ELF4: variants seen among roughly 807,000 people sequenced by gnomAD.
ELF4 encodes ETS-related transcription factor Elf-4.
Under a neutral mutation model 31.7 loss-of-function variants are expected in ELF4, and 10 were observed. The ratio of observed to expected loss-of-function variants is 0.32; its 90% CI spans 0.19 to 0.54. The LOEUF is 0.54. ELF4 is among the 20% of genes least tolerant of loss of function. ELF4 has a pLI of 0.95. For missense variants in ELF4, 418 were observed against 522.0 expected (o/e 0.80, Z 1.94); for synonymous variants, 208 against 226.7 (o/e 0.92, Z 0.74).
chrX:130,072,334 C>T lies in ELF4; in HGVS notation c.424G>A (p.Asp142Asn), dbSNP rs201900810. ...PNYLFPASEP[D>N]ALNRAGDTSD... ...GTGTCACCCGCCCTGTTCAGGGCAT[C>T]GGGCTCAGAGGCAGGAAACAGGTAG... Residue 142 changes from aspartate to asparagine, a missense_variant, in exon 5 of 9, where the codon GAT becomes AAT. By Grantham distance (23) the Asp-to-Asn change is conservative. Coordinates refer to ENST00000308167, the MANE Select transcript of ELF4 (RefSeq NM_001421.4). The T allele has an allele frequency of 3.0e-5, 36 of 1,210,987 alleles. No homozygotes were observed. The East Asian group carries it at 8.3e-4, about 28-fold the overall frequency.
At chrX:130,095,048 G>A (rs1676690965) in intron 1 of ELF4, among the ~76,000 whole-genome samples, 1 of 111,653 alleles carries the variant, frequency 9.0e-6, no homozygotes, top group Non-Finnish European at 1.9e-5. Context: ...GGGTGCTTGT[G>A]TAAAGGTGGG....
At chrX:130,091,495 C>T (rs764906812) in intron 1 of ELF4, among the ~76,000 whole-genome samples, 1 of 111,547 alleles carries the variant, frequency 9.0e-6, no homozygotes, top group South Asian at 3.8e-4. Flanking sequence ...GCTATATTGC[C>T]CAGGCTGGTC....
chrX:130,109,285 C>T (rs1933431057), intron 1 of ELF4, among the ~76,000 whole-genome samples: 1 of 112,463 alleles, frequency 8.9e-6, no homozygotes, highest in Non-Finnish European at 1.9e-5. Context: ...TACCTCCCCA[C>T]CTCCCCAGCA....
At chrX:130,077,747 CAT>C (rs1304067570) in intron 2 of ELF4, among the ~76,000 whole-genome samples, 1 of 111,987 alleles carries the variant, frequency 8.9e-6, no homozygotes, top group African/African-American at 3.2e-5. Flanking sequence ...AGAGTGATCA[CAT>C]GATTGACCCC....
intron 1 of ELF4, among the ~76,000 whole-genome samples, chrX:130,090,895 C>G (rs1933045656): frequency 8.9e-6 from 1 of 111,901 alleles, no homozygotes; most frequent in Non-Finnish European, 1.9e-5. Context: ...TCACTGTAAC[C>G]TCTGTCTCCT....
At position 130,066,539 on chromosome X, in the gene ELF4, G is replaced by A; in HGVS notation, c.*182C>T. On this transcript the variant is annotated 3_prime_UTR_variant, in exon 9 of 9. Coordinates refer to ENST00000308167, the MANE Select transcript of ELF4 (RefSeq NM_001421.4). ...GTGCTCTTGAAGGCCATAGTCTGATGCCAGGGATGCTTAAGCTGGGCACTG... is the reference window on the plus strand; with the variant it reads ...GTGCTCTTGAAGGCCATAGTCTGATACCAGGGATGCTTAAGCTGGGCACTG... 1 of 496,504 alleles carries A rather than the reference G, an allele frequency of 2.0e-6. No individual in the cohort carries two copies. The highest frequency in any genetic ancestry group is 3.5e-6 in the Non-Finnish European group (1 of 286,495). The allele number at this position is 496,504 out of a possible 1,213,427, so 40.9% of individuals were successfully genotyped here.
In ELF4 at chrX:130,103,299, T is replaced by G. The variant is rs769228168; in HGVS notation, c.-210+7026A>C. On this transcript the variant is annotated intron_variant, in intron 1 of 8. Coordinates refer to ENST00000308167, the MANE Select transcript of ELF4 (RefSeq NM_001421.4). ...CAAAGCATGTATCTGATGAAAGTCT[T>G]GTATCCAAAAAATATAAAGAACTCT... Among the ~76,000 whole-genome samples, 6 of 112,437 alleles carry G rather than the reference T, an allele frequency of 5.3e-5. No homozygotes were observed. The South Asian group carries it at 2.2e-3, about 41-fold the overall frequency.
chrX:130,065,348 G>A lies in ELF4; in HGVS notation c.*1373C>T, dbSNP rs746938349. On this transcript the variant is annotated 3_prime_UTR_variant, in exon 9 of 9. Transcript: ENST00000308167. Reference sequence around the variant, plus strand: ...AGAGAGAATAGGTTGACCCTTCCTCGGAAAGAGGGAAGGGGGAAGCAGGGA... The same window carrying A: ...AGAGAGAATAGGTTGACCCTTCCTCAGAAAGAGGGAAGGGGGAAGCAGGGA... The A allele has an allele frequency of 6.7e-4, 116 of 173,733 alleles. No homozygotes were observed. Among genetic ancestry groups the A allele is most frequent in the Non-Finnish European group, 1.1e-3 (101 of 91,213 alleles). 14.3% of individuals were successfully genotyped at this position (173,733 alleles called of 1,213,427 possible).
intron 1 of ELF4, among the ~76,000 whole-genome samples, chrX:130,107,686 A>G (rs963914913): frequency 8.9e-6 from 1 of 112,232 alleles, no homozygotes; most frequent in Non-Finnish European, 1.9e-5. Context: ...ATTGAATCTG[A>G]GTTTTAGGCG....
At chrX:130,102,696 G>GCTGCCT (rs1933284477) in intron 1 of ELF4, among the ~76,000 whole-genome samples, 1 of 107,496 alleles carries the variant, frequency 9.3e-6, no homozygotes, top group Non-Finnish European at 1.9e-5. Flanking sequence ...ACACTCTTGT[G>GCTGCCT]GTCCCAGCTA....
At chrX:130,082,701 C>T (rs1012552097) in intron 1 of ELF4, among the ~76,000 whole-genome samples, 3 of 111,573 alleles carry the variant, frequency 2.7e-5, no homozygotes, top group African/African-American at 9.8e-5. Context: ...CCAGGCCTGC[C>T]TCCCACAGCC....
intron 1 of ELF4, among the ~76,000 whole-genome samples, chrX:130,094,004 G>A (rs986080842): frequency 2.7e-5 from 3 of 111,702 alleles, no homozygotes; most frequent in African/African-American, 9.8e-5. Context: ...GGACGAGGTG[G>A]GTGAATCACT....
chrX:130,107,382 C>G (rs1393755592), intron 1 of ELF4, among the ~76,000 whole-genome samples: 1 of 111,998 alleles, frequency 8.9e-6, no homozygotes, highest in Non-Finnish European at 1.9e-5. Flanking sequence ...GGAGGTGCAT[C>G]TAGACCAGAA....
At chrX:130,073,108 T>C (rs1326100022) in intron 4 of ELF4, among the ~76,000 whole-genome samples, 2 of 112,046 alleles carry the variant, frequency 1.8e-5, no homozygotes, top group Non-Finnish European at 3.8e-5. Context: ...TTTATTTATT[T>C]AGACAGTCTT....
chrX:130,089,057 C>G (rs923031831), intron 1 of ELF4, among the ~76,000 whole-genome samples: 3 of 111,142 alleles, frequency 2.7e-5, no homozygotes, highest in African/African-American at 9.8e-5. Flanking sequence ...CTCCAGCATC[C>G]CTTTCACAGA....
intron 2 of ELF4, among the ~76,000 whole-genome samples, chrX:130,077,090 A>C (rs2124618996): frequency 9.0e-6 from 1 of 111,302 alleles, no homozygotes; most frequent in East Asian, 2.8e-4. Flanking sequence ...ATAGTGATTA[A>C]GGTCCCAGCA....
rs548892706 is a variant in ELF4 at position 130,065,919 on chromosome X, C to T, written c.*802G>A. 85 of 173,633 alleles carry T rather than the reference C, an allele frequency of 4.9e-4. 1 individual carries two copies. In the South Asian group the frequency reaches 0.022, roughly 45 times the overall value. 14.3% of individuals were successfully genotyped at this position (173,633 alleles called of 1,213,427 possible). A position where few individuals can be genotyped will look rare whatever the true frequency, so the allele number is the denominator to read the frequency against. ...TGCAAGGTGACTGTGGTTGCTAACA[C>T]GGCAAACTCCAGGAAGAGTACCTTG... On this transcript the variant is annotated 3_prime_UTR_variant, in exon 9 of 9. Coordinates refer to ENST00000308167, the MANE Select transcript of ELF4 (RefSeq NM_001421.4).
At chrX:130,094,498 C>A (rs1933116191) in intron 1 of ELF4, among the ~76,000 whole-genome samples, 1 of 108,461 alleles carries the variant, frequency 9.2e-6, no homozygotes, top group African/African-American at 3.4e-5. Context: ...AACCCGGAGG[C>A]AGAGGTTGCA....
In ELF4 at chrX:130,064,346, G is replaced by A. The variant is rs1309172764; in HGVS notation, c.*2375C>T. On this transcript the variant is annotated 3_prime_UTR_variant, in exon 9 of 9. Coordinates refer to ENST00000308167, the MANE Select transcript of ELF4 (RefSeq NM_001421.4). ...CCAGCTACTCAGGAGGCTGAGGCAG[G>A]AGAATCACTTGAGCCTGGGAGGCAG... Among the ~76,000 whole-genome samples the A allele has an allele frequency of 1.8e-5, 2 of 111,907 alleles. No individual in the cohort carries two copies. Among genetic ancestry groups the A allele is most frequent in the African/African-American group, 6.5e-5 (2 of 30,751 alleles).
Sources: gnomAD v4.1 joint callset for allele counts (sites outside exome capture counted in the v4.1 genomes callset) on GRCh38, gnomAD v4.1.1 for gene constraint, MANE v1.5 for transcripts, NCBI Gene and HGNC (gene_info 2026-07-23, HGNC 2026-07-21) for gene names.